NKAIN3: variants seen among roughly 807,000 people sequenced by gnomAD.
NKAIN3 encodes the protein sodium/potassium transporting ATPase interacting 3.
Under a neutral mutation model 30.2 loss-of-function variants are expected in NKAIN3, and 25 were observed. The ratio of observed to expected loss-of-function variants is 0.83; its 90% CI spans 0.60 to 1.16. NKAIN3 has a LOEUF of 1.16. Ranked by LOEUF, NKAIN3 falls within the 50% of genes most tolerant of loss-of-function variation. The pLI, the probability that NKAIN3 is intolerant of heterozygous loss-of-function variation, is 0.00. For missense variants in NKAIN3, 225 were observed against 254.1 expected (o/e 0.89, Z 0.78); for synonymous variants, 91 against 89.6 (o/e 1.02, Z -0.09).
intron 3 of NKAIN3, among the ~76,000 whole-genome samples, chr8:62,707,129 T>A (rs1336261834): frequency 6.6e-6 from 1 of 151,840 alleles, no homozygotes; most frequent in Admixed American, 6.6e-5. Context: ...ACTCATTGAT[T>A]GATGAGCATT....
At chr8:62,798,730 G>C (rs1474614195) in intron 4 of NKAIN3, among the ~76,000 whole-genome samples, 1 of 152,120 alleles carries the variant, frequency 6.6e-6, no homozygotes, top group Non-Finnish European at 1.5e-5. Context: ...ATAAATTGTT[G>C]TTGTTTAAGC....
intron 1 of NKAIN3, among the ~76,000 whole-genome samples, chr8:62,263,104 T>C (rs1812493744): frequency 6.6e-6 from 1 of 152,206 alleles, no homozygotes. Flanking sequence ...GAAATAATAT[T>C]GTTTTCACAT....
chr8:62,781,809 A>T (rs1050475750), intron 4 of NKAIN3, among the ~76,000 whole-genome samples: 1 of 151,866 alleles, frequency 6.6e-6, no homozygotes. Flanking sequence ...TGGATTAAAG[A>T]TTTTAAAGTA....
At chr8:62,780,015 G>A (rs538725889) in intron 4 of NKAIN3, among the ~76,000 whole-genome samples, 3 of 152,018 alleles carry the variant, frequency 2.0e-5, no homozygotes, top group African/African-American at 7.2e-5. Context: ...GAAACAAAAA[G>A]TTGGTTCCTA....
intron 1 of NKAIN3, among the ~76,000 whole-genome samples, chr8:62,315,156 C>T (rs1053033026): frequency 1.3e-5 from 2 of 152,150 alleles, no homozygotes; most frequent in African/African-American, 4.8e-5. Flanking sequence ...ATCTAAGTTA[C>T]AGCTATGGGT....
intron 1 of NKAIN3, among the ~76,000 whole-genome samples, chr8:62,476,604 G>A (rs112398499): frequency 2.6e-5 from 4 of 151,782 alleles, no homozygotes; most frequent in Admixed American, 6.6e-5. Context: ...CTACAGGCAC[G>A]TGCCACCATA....
At chr8:62,889,996 A>C (rs752914389) in intron 4 of NKAIN3, among the ~76,000 whole-genome samples, 1 of 152,240 alleles carries the variant, frequency 6.6e-6, no homozygotes, top group Non-Finnish European at 1.5e-5. Context: ...AATATATATT[A>C]ATACAAGCTC....
intron 1 of NKAIN3, among the ~76,000 whole-genome samples, chr8:62,433,046 C>G (rs935359790): frequency 3.9e-5 from 6 of 152,196 alleles, no homozygotes; most frequent in African/African-American, 1.4e-4. Context: ...TAATTAATTA[C>G]TTTGCCAAAG....
chr8:62,964,005 A>T (rs1364320719), intron 6 of NKAIN3, among the ~76,000 whole-genome samples: 1 of 152,178 alleles, frequency 6.6e-6, no homozygotes, highest in African/African-American at 2.4e-5. Flanking sequence ...AAGTTGCTAG[A>T]TGTGGTTATG....
chr8:62,523,049 G>T (rs768918245), intron 1 of NKAIN3, among the ~76,000 whole-genome samples: 63 of 152,102 alleles, frequency 4.1e-4, no homozygotes, highest in Non-Finnish European at 2.4e-4. Flanking sequence ...CCAGAGCAAC[G>T]TCTAGTCCTG....
At chr8:62,799,767 T>C (rs192436875) in intron 4 of NKAIN3, among the ~76,000 whole-genome samples, 1 of 152,318 alleles carries the variant, frequency 6.6e-6, no homozygotes, top group African/African-American at 2.4e-5. Context: ...GCAACACATT[T>C]GTAATTGCAA....
At chr8:62,692,694 T>C (rs978115234) in intron 3 of NKAIN3, among the ~76,000 whole-genome samples, 3 of 152,220 alleles carry the variant, frequency 2.0e-5, no homozygotes, top group African/African-American at 7.2e-5. Flanking sequence ...TCTTCACTGT[T>C]TTAGTTCTCT....
chr8:62,927,729 GC>G (rs1324490824), intron 5 of NKAIN3, among the ~76,000 whole-genome samples: 4 of 152,054 alleles, frequency 2.6e-5, no homozygotes, highest in Non-Finnish European at 4.4e-5. Flanking sequence ...GGAGTGATGA[GC>G]TGTCATTATG....
At chr8:62,905,950 T>C (rs1156995108) in intron 4 of NKAIN3, among the ~76,000 whole-genome samples, 1 of 152,210 alleles carries the variant, frequency 6.6e-6, no homozygotes, top group Non-Finnish European at 1.5e-5. Flanking sequence ...TACCTGAGAA[T>C]TTCTCAGCGT....
At chr8:62,779,578 A>G (rs1402930711) in intron 4 of NKAIN3, among the ~76,000 whole-genome samples, 2 of 152,180 alleles carry the variant, frequency 1.3e-5, no homozygotes, top group Admixed American at 6.5e-5. Flanking sequence ...AAAGCCAAAA[A>G]AAATTGAATT....
chr8:62,438,116 C>T (rs1805224308), intron 1 of NKAIN3, among the ~76,000 whole-genome samples: 1 of 152,200 alleles, frequency 6.6e-6, no homozygotes, highest in Admixed American at 6.5e-5. Context: ...AGCTGTGCAG[C>T]TTCCAAGAGA....
intron 4 of NKAIN3, among the ~76,000 whole-genome samples, chr8:62,812,873 T>G (rs2130716837): frequency 6.6e-6 from 1 of 152,068 alleles, no homozygotes; most frequent in East Asian, 1.9e-4. Flanking sequence ...CACACTAATT[T>G]TGGTTAATCT....
intron 3 of NKAIN3, among the ~76,000 whole-genome samples, chr8:62,706,652 TA>T (rs1418970555): frequency 2.0e-5 from 3 of 152,150 alleles, no homozygotes; most frequent in Non-Finnish European, 4.4e-5. Context: ...AATGAAAGAC[TA>T]AAATGGCATA....
chr8:62,832,321 C>T (rs1819223253), intron 4 of NKAIN3, among the ~76,000 whole-genome samples: 1 of 151,196 alleles, frequency 6.6e-6, no homozygotes, highest in Non-Finnish European at 1.5e-5. Flanking sequence ...GTACATATCC[C>T]ACAGACTCTA....
Sources: allele counts gnomAD v4.1 joint callset (sites outside exome capture counted in the v4.1 genomes callset), GRCh38; gene constraint gnomAD v4.1.1; transcripts MANE v1.5; gene names NCBI Gene and HGNC (gene_info 2026-07-23, HGNC 2026-07-21).